Variants in DLGAP2 observed in about 807,000 individuals in gnomAD.
DLGAP2 encodes DLG associated protein 2.
Under a neutral mutation model 100.3 loss-of-function variants are expected in DLGAP2, and 26 were observed. The observed-to-expected ratio is 0.26, with a 90% CI of 0.19 to 0.36. The LOEUF is 0.36. Among genes scored for constraint, DLGAP2 ranks in the 10% least tolerant of loss-of-function variants. DLGAP2 has a pLI of 1.00. For synonymous variants in DLGAP2, 886 were observed against 630.1 expected, an observed-to-expected ratio of 1.41 and a Z score of -6.08; for missense variants, 1,858 against 1,453.2, an observed-to-expected ratio of 1.28 and a Z score of -4.53.
Position 837,602 on chromosome 8 carries a change from T to A in DLGAP2, c.19-70310T>A, listed in dbSNP as rs550040393. 1.2e-4 allele frequency among the ~76,000 whole-genome samples: 18 copies of A among 152,104 alleles called. 1 individual carries two copies. In the South Asian group the frequency reaches 3.7e-3, roughly 32 times the overall value. On this transcript the variant is annotated intron_variant, in intron 1 of 14. Transcript: ENST00000637795. ...TCAGGCCGCAGGCAGCGGTCTCTGG[T>A]CCATCCTGGCTTCCCAGGCTGGCTG...
intron 1 of DLGAP2, among the ~76,000 whole-genome samples, chr8:812,147 A>G (rs141421478): frequency 9.8e-5 from 15 of 152,304 alleles, no homozygotes; most frequent in African/African-American, 3.4e-4. Context: ...TGGCTTGCAC[A>G]ATTGCAGGGG....
At chr8:873,845 G>T (rs898204149) in intron 1 of DLGAP2, among the ~76,000 whole-genome samples, 1 of 152,082 alleles carries the variant, frequency 6.6e-6, no homozygotes, top group African/African-American at 2.4e-5. Flanking sequence ...ATGTCGTCTG[G>T]GCCTGAGCTT....
intron 1 of DLGAP2, among the ~76,000 whole-genome samples, chr8:868,074 A>C (rs1797531081): frequency 6.6e-6 from 1 of 152,236 alleles, no homozygotes; most frequent in African/African-American, 2.4e-5. Flanking sequence ...TCAGTTTTCA[A>C]AATGGTTATA....
At chr8:1,416,968 G>A (rs957082090) in intron 3 of DLGAP2, among the ~76,000 whole-genome samples, 2 of 152,152 alleles carry the variant, frequency 1.3e-5, no homozygotes, top group African/African-American at 4.8e-5. Context: ...GCTCAGTGCG[G>A]CTGTGGCATT....
chr8:1,303,301 G>T (rs562349444), intron 3 of DLGAP2, among the ~76,000 whole-genome samples: 6 of 151,958 alleles, frequency 3.9e-5, no homozygotes, highest in African/African-American at 1.4e-4. Context: ...GGAGGCTGAG[G>T]CAGGAGAATC....
chr8:1,409,477 T>G (rs1019777308), intron 3 of DLGAP2, among the ~76,000 whole-genome samples: 5 of 152,146 alleles, frequency 3.3e-5, no homozygotes, highest in Non-Finnish European at 5.9e-5. Flanking sequence ...TTTCAGAAAT[T>G]CTCCAGACAC....
Position 1,028,395 on chromosome 8 carries a change from C to T in DLGAP2, c.73+120429C>T, listed in dbSNP as rs1159556749. ...GTCAGGCACCCGTTATTCTCCAGGT[C>T]GGGTGTCAGGCGCCCCTTATTCTCC... On this transcript the variant is annotated intron_variant, in intron 2 of 14. Coordinates refer to ENST00000637795, the MANE Select transcript of DLGAP2 (RefSeq NM_001346810.2). Among the ~76,000 whole-genome samples the T allele has an allele frequency of 1.1e-4, 8 of 75,338 alleles. No homozygotes were observed. In the South Asian group the frequency reaches 2.7e-3, roughly 25 times the overall value. 49.4% of individuals were successfully genotyped at this position (75,338 alleles called of 152,430 possible). A position where few individuals can be genotyped will look rare whatever the true frequency, so the allele number is the denominator to read the frequency against.
chr8:1,471,957 G>A (rs1012723991), intron 3 of DLGAP2, among the ~76,000 whole-genome samples: 1 of 152,202 alleles, frequency 6.6e-6, no homozygotes, highest in Non-Finnish European at 1.5e-5. Context: ...TCATTAAATC[G>A]TTCTTTAATC....
At chr8:1,447,141 T>C (rs1323465253) in intron 3 of DLGAP2, among the ~76,000 whole-genome samples, 1 of 152,054 alleles carries the variant, frequency 6.6e-6, no homozygotes, top group East Asian at 1.9e-4. Context: ...TGAATAGGAG[T>C]GGTGAGAGAG....
chr8:1,011,835 G>A (rs200026936), intron 2 of DLGAP2, among the ~76,000 whole-genome samples: 1 of 149,788 alleles, frequency 6.7e-6, no homozygotes, highest in African/African-American at 2.4e-5. Flanking sequence ...GGCCCTGGGC[G>A]AGGGTGTCAG....
intron 3 of DLGAP2, among the ~76,000 whole-genome samples, chr8:1,456,927 C>T (rs1020891146): frequency 3.3e-5 from 5 of 150,942 alleles, no homozygotes; most frequent in East Asian, 2.0e-4. Flanking sequence ...CGGCCCCGAG[C>T]GGTCTCTCAG....
chr8:1,198,605 G>T (rs936638844), intron 2 of DLGAP2, among the ~76,000 whole-genome samples: 2 of 152,166 alleles, frequency 1.3e-5, no homozygotes, highest in Non-Finnish European at 2.9e-5. Flanking sequence ...GAGAGTGTGT[G>T]CTCTGCAGAC....
chr8:1,543,707 G>T (rs185636599), intron 4 of DLGAP2, among the ~76,000 whole-genome samples: 2 of 152,194 alleles, frequency 1.3e-5, no homozygotes, highest in African/African-American at 4.8e-5. Context: ...TTGCACTTCT[G>T]CAAAAAAGCC....
intron 2 of DLGAP2, among the ~76,000 whole-genome samples, chr8:1,100,449 T>A (rs1804539643): frequency 6.6e-6 from 1 of 152,218 alleles, no homozygotes; most frequent in African/African-American, 2.4e-5. Context: ...GGAAAACCTT[T>A]GTCCAGCATG....
chr8:1,091,739 G>C (rs1429497311), intron 2 of DLGAP2, among the ~76,000 whole-genome samples: 5 of 152,064 alleles, frequency 3.3e-5, no homozygotes, highest in African/African-American at 9.7e-5. Context: ...TGTCTCCCGT[G>C]GAAGCTGCAG....
intron 1 of DLGAP2, among the ~76,000 whole-genome samples, chr8:831,182 G>T (rs1485428633): frequency 2.0e-5 from 3 of 148,216 alleles, no homozygotes; most frequent in African/African-American, 5.0e-5. Context: ...ACAAGCATGA[G>T]TCACCACGCC....
chr8:1,509,380 A>T (rs1203886568), intron 4 of DLGAP2, among the ~76,000 whole-genome samples: 1 of 151,486 alleles, frequency 6.6e-6, no homozygotes, highest in East Asian at 1.9e-4. Context: ...TACACTCTGG[A>T]TAATAAGAGC....
chr8:786,241 G>T (rs1821861343), intron 1 of DLGAP2, among the ~76,000 whole-genome samples: 1 of 152,120 alleles, frequency 6.6e-6, no homozygotes, highest in Non-Finnish European at 1.5e-5. Context: ...GCCCAGTGGT[G>T]TGTGGGGCGC....
At chr8:1,501,465 GC>G in intron 4 of DLGAP2, 34 bp downstream of exon 4, 1 of 1,533,718 alleles carries the variant, frequency 6.5e-7, no homozygotes, top group Non-Finnish European at 8.7e-7. Flanking sequence ...CTCTGGCGGG[GC>G]CCGGACAGAA....
Sources: gnomAD v4.1 joint callset for allele counts (sites outside exome capture counted in the v4.1 genomes callset) on GRCh38, gnomAD v4.1.1 for gene constraint, MANE v1.5 for transcripts, NCBI Gene and HGNC (gene_info 2026-07-23, HGNC 2026-07-21) for gene names.